The following LYSMD4 variants were observed in gnomAD, a reference collection of about 807,000 sequenced individuals.
The protein encoded by LYSMD4 is LysM domain containing 4, also known as lysM and putative peptidoglycan-binding domain-containing protein 4.
Under a neutral mutation model 6.1 loss-of-function variants are expected in LYSMD4, and 9 were observed. That is an observed-to-expected ratio of 1.47 (90% confidence interval 0.88 to 2.56). The LOEUF (loss-of-function observed/expected upper bound fraction) is 2.56, where lower values mean the gene tolerates loss of function less well. LYSMD4 is among the 30% of genes most tolerant of loss of function. The pLI is 0.00. For synonymous variants in LYSMD4, 143 were observed against 148.5 expected (o/e 0.96, Z 0.27); for missense variants, 384 against 373.5 (o/e 1.03, Z -0.23).
chr15:99,729,248 C>A lies in LYSMD4; in HGVS notation c.766G>T (p.Val256Phe). Residue 256 changes from valine (V) to phenylalanine (F), a missense_variant, in exon 3 of 3, where the codon GTC becomes TTC. Coordinates refer to ENST00000684762, the MANE Select transcript of LYSMD4 (RefSeq NM_001284417.2). The stretch of plus-strand genomic sequence containing the variant: ...ATTGCCATCGAGCCATTGGGGATGA[C>A]AGTTGTGTTCAAGCTATTAGGGGTC... ...GETPNSLNTTVIPNGSMAMGT... is the reference protein window; with the variant it reads ...GETPNSLNTTFIPNGSMAMGT... 6.2e-7 allele frequency: 1 copy of A among 1,614,184 alleles called. No homozygotes were observed. The highest frequency in any genetic ancestry group is 2.2e-5 in the East Asian group (1 of 44,890).
At chr15:99,719,269 G>T (rs1004923233), upstream of LYSMD4, among the ~76,000 whole-genome samples, 3 of 152,160 alleles carry the variant, frequency 2.0e-5, no homozygotes, top group African/African-American at 7.2e-5. Flanking sequence ...TTTGTAACAT[G>T]GTTAGCTTCA....
downstream of LYSMD4, among the ~76,000 whole-genome samples, chr15:99,726,142 A>G (rs1444609978): frequency 1.3e-5 from 1 of 76,812 alleles, no homozygotes; most frequent in Non-Finnish European, 2.6e-5. Flanking sequence ...CGCTGTCTCA[A>G]GTGGTTTTTT....
At chr15:99,721,135 T>A (rs1416336557), upstream of LYSMD4, among the ~76,000 whole-genome samples, 1 of 152,136 alleles carries the variant, frequency 6.6e-6, no homozygotes, top group Non-Finnish European at 1.5e-5. Flanking sequence ...TTTCTATATG[T>A]GATACAACCT....
rs898335439 is a variant in LYSMD4, at chr15:99,729,693, T to A, written c.321A>T (p.Glu107Asp). Residue 107 changes from glutamate (E) to aspartate (D), a missense_variant, in exon 3 of 3, where the codon GAA (glutamate) becomes GAT (aspartate). By Grantham distance (45) the Glu-to-Asp change is conservative. Coordinates refer to ENST00000684762, the MANE Select transcript of LYSMD4 (RefSeq NM_001284417.2). ...CAGATTTCAAAGCATATAAGTCTTGTTCTCTGATGAAGTTGTTGACTTTCT... is the reference window on the plus strand; with the variant it reads ...CAGATTTCAAAGCATATAAGTCTTGATCTCTGATGAAGTTGTTGACTTTCT... ...DIKKVNNFIR[E>D]QDLYALKSVK... The A allele has an allele frequency of 6.2e-7, 1 of 1,612,858 alleles. No homozygotes were observed. The highest frequency in any genetic ancestry group is 8.5e-7 in the Non-Finnish European group (1 of 1,179,826).
chr15:99,731,817 G>C lies in LYSMD4; in HGVS notation c.183C>G (p.His61Gln). ...RGKERHKSGV[H>Q]QPPQAGAGDV... The stretch of plus-strand genomic sequence containing the variant: ...CACCTGCTCCCGCCTGGGGAGGCTG[G>C]TGGACACCGCTCTTGTGGCGCTCCT... Residue 61 changes from histidine (H) to glutamine (Q), a missense_variant, in exon 2 of 3, where the codon CAC becomes CAG. Transcript: ENST00000684762. 2 of 1,612,706 alleles carry C rather than the reference G, an allele frequency of 1.2e-6. No individual in the cohort carries two copies. The highest frequency in any genetic ancestry group is 1.7e-6 in the Non-Finnish European group (2 of 1,180,044).
upstream of LYSMD4, among the ~76,000 whole-genome samples, chr15:99,721,833 A>C (rs1486314161): frequency 6.6e-6 from 1 of 152,198 alleles, no homozygotes; most frequent in Non-Finnish European, 1.5e-5. Context: ...CAGGACAGTG[A>C]TCTCTGAGAG....
chr15:99,723,585 T>C (rs529040718), downstream of LYSMD4, among the ~76,000 whole-genome samples: 1 of 152,336 alleles, frequency 6.6e-6, no homozygotes, highest in Admixed American at 6.5e-5. Context: ...GGCCTGAGCG[T>C]GCCCCTGGCT....
intron 2 of LYSMD4, 22 bp downstream of exon 2, chr15:99,731,696 G>A: frequency 6.4e-7 from 1 of 1,561,540 alleles, no homozygotes; most frequent in Non-Finnish European, 8.7e-7. Context: ...GAGCGGGGCA[G>A]GGCCCCTGAG....
At chr15:99,722,904 G>C (rs544689664), downstream of LYSMD4, among the ~76,000 whole-genome samples, 7 of 152,218 alleles carry the variant, frequency 4.6e-5, no homozygotes, top group East Asian at 1.4e-3. Context: ...GCTGGTGCAC[G>C]CCTGTAATCC....
chr15:99,727,238 G>A (rs1041003170), downstream of LYSMD4, among the ~76,000 whole-genome samples: 1 of 152,132 alleles, frequency 6.6e-6, no homozygotes, highest in Non-Finnish European at 1.5e-5. Context: ...AGCCAGGCAT[G>A]GTGATGTGTG....
At chr15:99,723,142 T>TA (rs1008095340), downstream of LYSMD4, among the ~76,000 whole-genome samples, 4 of 150,424 alleles carry the variant, frequency 2.7e-5, no homozygotes, top group African/African-American at 7.3e-5. Context: ...CAGGAGACAA[T>TA]AAAAAAATGA....
At chr15:99,730,269 T>C (rs2059374064) in intron 2 of LYSMD4, among the ~76,000 whole-genome samples, 2 of 152,276 alleles carry the variant, frequency 1.3e-5, no homozygotes, top group African/African-American at 4.8e-5. Flanking sequence ...CGGCATTTTC[T>C]TTCCCAGAAA....
At chr15:99,722,530 A>G (rs1028311116), downstream of LYSMD4, among the ~76,000 whole-genome samples, 4 of 152,232 alleles carry the variant, frequency 2.6e-5, no homozygotes, top group Non-Finnish European at 5.9e-5. Context: ...ATGTAGAAAA[A>G]CAAGAACATA....
At chr15:99,716,493 G>A (rs747450736) in exon 1 of LYSMD4, 5 of 456,796 alleles carry the variant, frequency 1.1e-5, no homozygotes, top group Admixed American at 2.3e-5. Flanking sequence ...CCTGTGCGTC[G>A]AGACTCTGTC....
In LYSMD4 at chr15:99,727,783, C is replaced by T. The variant is rs882175; in HGVS notation, c.*1340G>A. ...TGGTGAGACCTTTGATACTTTTCTC[C>T]AGGCCTCATGAGTCAAAGGCCATCA... On this transcript the variant is annotated 3_prime_UTR_variant, in exon 3 of 3. Coordinates refer to ENST00000684762, the MANE Select transcript of LYSMD4 (RefSeq NM_001284417.2). 0.41 allele frequency: 62,256 copies of T among 152,164 alleles called. 15,654 individuals carry two copies. The highest frequency in any genetic ancestry group is 0.54 in the Non-Finnish European group (36,733 of 67,980). 9.4% of individuals were successfully genotyped at this position (152,164 alleles called of 1,614,324 possible).
chr15:99,716,664 G>A, exon 1 of LYSMD4: 2 of 456,752 alleles, frequency 4.4e-6, no homozygotes, highest in South Asian at 1.5e-5. Flanking sequence ...GCCCCCACTG[G>A]CCTCCCCCTT....
chr15:99,731,242 G>C, intron 2 of LYSMD4: 1 of 1,606,904 alleles, frequency 6.2e-7, no homozygotes, highest in Non-Finnish European at 8.5e-7. Flanking sequence ...TAGATACACA[G>C]CATACAAAAG....
chr15:99,727,356 A>G (rs2059295488), downstream of LYSMD4: 1 of 152,206 alleles, frequency 6.6e-6, no homozygotes, highest in Admixed American at 6.5e-5. Context: ...GCCTGGGGGA[A>G]GGAGTGAGAC....
downstream of LYSMD4, among the ~76,000 whole-genome samples, chr15:99,726,023 C>A (rs1319007518): frequency 6.6e-6 from 1 of 152,106 alleles, no homozygotes; most frequent in Non-Finnish European, 1.5e-5. Context: ...ATCCAGGAAG[C>A]ACCATGGCTT....
Sources: gnomAD v4.1 joint callset for allele counts (sites outside exome capture counted in the v4.1 genomes callset) on GRCh38, gnomAD v4.1.1 for gene constraint, MANE v1.5 for transcripts, NCBI Gene and HGNC (gene_info 2026-07-23, HGNC 2026-07-21) for gene names.